NAALADL2: variants seen among roughly 807,000 people sequenced by gnomAD.
NAALADL2 encodes the protein inactive N-acetylated-alpha-linked acidic dipeptidase-like protein 2.
NAALADL2 carries 76 observed loss-of-function variants against 87.2 expected under a neutral mutation model. That is an observed-to-expected ratio of 0.87 (90% confidence interval 0.72 to 1.05). The LOEUF (loss-of-function observed/expected upper bound fraction) is 1.05, where lower values mean the gene tolerates loss of function less well. NAALADL2 is among the 50% of genes least tolerant of loss of function. NAALADL2 has a pLI of 0.00. For synonymous variants in NAALADL2, 354 were observed against 331.0 expected (o/e 1.07, Z -0.75); for missense variants, 1,089 against 945.8 (o/e 1.15, Z -1.99).
At chr3:174,516,769 A>G (rs763299396) in intron 1 of NAALADL2, among the ~76,000 whole-genome samples, 4 of 151,986 alleles carry the variant, frequency 2.6e-5, no homozygotes, top group Non-Finnish European at 5.9e-5. Context: ...TTTTTACTAA[A>G]TTTTTATTTT....
chr3:175,659,140 G>A (rs1731914333), intron 11 of NAALADL2, among the ~76,000 whole-genome samples: 1 of 152,088 alleles, frequency 6.6e-6, no homozygotes, highest in Non-Finnish European at 1.5e-5. Flanking sequence ...TATCAAATAG[G>A]ATTTTTGTGA....
chr3:174,966,538 T>TTCGATGTAAGGATAAAGTGATAGGGAG (rs1742899689), intron 1 of NAALADL2, among the ~76,000 whole-genome samples: 2 of 152,094 alleles, frequency 1.3e-5, no homozygotes, highest in African/African-American at 4.8e-5. Context: ...ATCTCTTGAC[T>TTCGATGTAAGGATAAAGTGATAGGGAG]TCGATGTAAG....
intron 4 of NAALADL2, among the ~76,000 whole-genome samples, chr3:175,295,073 A>T (rs1358634970): frequency 6.6e-6 from 1 of 152,170 alleles, no homozygotes; most frequent in Admixed American, 6.5e-5. Context: ...GTGTCAATAC[A>T]TGCAGTCAGG....
At chr3:174,513,960 C>T (rs1024145372) in intron 1 of NAALADL2, among the ~76,000 whole-genome samples, 1 of 151,966 alleles carries the variant, frequency 6.6e-6, no homozygotes, top group African/African-American at 2.4e-5. Context: ...TCTCTCTTCC[C>T]CTTGTCAGCC....
At chr3:175,273,057 A>C (rs1243102438) in intron 4 of NAALADL2, among the ~76,000 whole-genome samples, 3 of 152,122 alleles carry the variant, frequency 2.0e-5, no homozygotes, top group Non-Finnish European at 4.4e-5. Context: ...TATTTAGTCC[A>C]TTTAAAATCA....
At chr3:174,727,774 A>G (rs919967866) in intron 2 of NAALADL2, among the ~76,000 whole-genome samples, 5 of 152,096 alleles carry the variant, frequency 3.3e-5, no homozygotes, top group African/African-American at 1.2e-4. Flanking sequence ...TTTGTGTTGT[A>G]TATTTGATGA....
Position 175,137,843 on chromosome 3 carries a change from C to T in NAALADL2, c.545+40552C>T, listed in dbSNP as rs117153941. ...TTCGCTAGGTTACCCAGGCTGATCTCGAACTCCTGACCTCAGATGATCCAC... is the reference window on the plus strand; with the variant it reads ...TTCGCTAGGTTACCCAGGCTGATCTTGAACTCCTGACCTCAGATGATCCAC... On this transcript the variant is annotated intron_variant, in intron 2 of 13. Transcript: ENST00000454872. Among the ~76,000 whole-genome samples the T allele has an allele frequency of 1.1e-4, 16 of 151,994 alleles. No individual in the cohort carries two copies. In the East Asian group the frequency reaches 1.4e-3, roughly 13 times the overall value.
intron 9 of NAALADL2, among the ~76,000 whole-genome samples, chr3:175,569,891 C>T (rs901971109): frequency 1.3e-5 from 2 of 148,300 alleles, no homozygotes; most frequent in African/African-American, 4.9e-5. Context: ...CATAATTATA[C>T]AGTAATATAT....
At chr3:175,286,599 G>T (rs1211911519) in intron 4 of NAALADL2, among the ~76,000 whole-genome samples, 1 of 151,946 alleles carries the variant, frequency 6.6e-6, no homozygotes, top group Non-Finnish European at 1.5e-5. Flanking sequence ...CCTATGGATC[G>T]ACTTCTGGAG....
chr3:174,694,574 C>T (rs1410020332), intron 2 of NAALADL2, among the ~76,000 whole-genome samples: 2 of 152,044 alleles, frequency 1.3e-5, no homozygotes, highest in East Asian at 3.9e-4. Context: ...GTTATTGATA[C>T]AAATGAAGAA....
chr3:175,335,950 G>A (rs73047265), intron 5 of NAALADL2, among the ~76,000 whole-genome samples: 1 of 152,072 alleles, frequency 6.6e-6, no homozygotes, highest in Non-Finnish European at 1.5e-5. Flanking sequence ...TGCTGGAAAC[G>A]TGTCAGGTAA....
chr3:174,648,338 A>C (rs1724011885), intron 2 of NAALADL2, among the ~76,000 whole-genome samples: 1 of 141,090 alleles, frequency 7.1e-6, no homozygotes, highest in Non-Finnish European at 1.6e-5. Context: ...ACCACCAAAA[A>C]GAAAAAAAAA....
intron 4 of NAALADL2, among the ~76,000 whole-genome samples, chr3:175,284,046 C>A (rs1236671701): frequency 2.0e-5 from 3 of 152,052 alleles, no homozygotes; most frequent in Non-Finnish European, 2.9e-5. Flanking sequence ...AAACTCGTGT[C>A]TTTGCTGAAA....
chr3:175,300,735 T>C (rs1560315523), intron 4 of NAALADL2, among the ~76,000 whole-genome samples: 1 of 145,832 alleles, frequency 6.9e-6, no homozygotes, highest in Non-Finnish European at 1.5e-5. Flanking sequence ...AAAAACCATC[T>C]CCTGGATTTA....
chr3:175,385,811 A>G (rs1011000113), intron 5 of NAALADL2, among the ~76,000 whole-genome samples: 4 of 152,124 alleles, frequency 2.6e-5, no homozygotes, highest in African/African-American at 7.2e-5. Context: ...TGAACAGAAG[A>G]AAAGTTATAT....
At chr3:174,999,774 A>T (rs545397510) in intron 1 of NAALADL2, among the ~76,000 whole-genome samples, 3 of 152,192 alleles carry the variant, frequency 2.0e-5, no homozygotes, top group Non-Finnish European at 2.9e-5. Context: ...ATTTTTCAAT[A>T]TTAAAGTTAT....
chr3:174,593,495 A>G (rs1452850319), intron 2 of NAALADL2, among the ~76,000 whole-genome samples: 1 of 152,162 alleles, frequency 6.6e-6, no homozygotes, highest in Non-Finnish European at 1.5e-5. Flanking sequence ...CATGGCTGGA[A>G]TTCAAAGTCA....
chr3:175,741,182 A>G (rs1745189287), intron 12 of NAALADL2, among the ~76,000 whole-genome samples: 1 of 152,196 alleles, frequency 6.6e-6, no homozygotes, highest in Admixed American at 6.5e-5. Flanking sequence ...TATTTCTTAC[A>G]ATTCTGGAGG....
intron 2 of NAALADL2, among the ~76,000 whole-genome samples, chr3:174,721,625 T>A (rs1184634004): frequency 6.6e-6 from 1 of 152,206 alleles, no homozygotes; most frequent in Non-Finnish European, 1.5e-5. Flanking sequence ...AGCAGCAGAA[T>A]TCTCACTGAA....
Sources: allele counts gnomAD v4.1 joint callset (sites outside exome capture counted in the v4.1 genomes callset), GRCh38; gene constraint gnomAD v4.1.1; transcripts MANE v1.5; gene names NCBI Gene and HGNC (gene_info 2026-07-23, HGNC 2026-07-21).